Variants in SBF2 observed in about 807,000 individuals in gnomAD.
SBF2 encodes the protein myotubularin-related protein 13.
Under a neutral mutation model 225.2 loss-of-function variants are expected in SBF2, and 112 were observed. The observed-to-expected ratio is 0.50, with a 90% confidence interval of 0.43 to 0.58. SBF2 has a LOEUF of 0.58. SBF2 is among the 20% of genes least tolerant of loss of function. The pLI, the probability that SBF2 is intolerant of heterozygous loss-of-function variation, is 0.00. For synonymous variants in SBF2, 763 were observed against 773.3 expected (o/e 0.99, Z 0.22); for missense variants, 1,996 against 2,206.2 (o/e 0.90, Z 1.91).
intron 3 of SBF2, among the ~76,000 whole-genome samples, chr11:10,035,291 G>C (rs1949393242): frequency 2.0e-5 from 3 of 152,016 alleles, no homozygotes; most frequent in Admixed American, 2.0e-4. Flanking sequence ...TTAAACGTAA[G>C]ACCTAAAACC....
intron 2 of SBF2, among the ~76,000 whole-genome samples, chr11:10,067,066 C>A (rs992537382): frequency 5.3e-5 from 8 of 151,974 alleles, no homozygotes; most frequent in Admixed American, 2.0e-4. Context: ...CTGCTTGAGG[C>A]CAGGAGATTG....
At chr11:9,944,373 A>G (rs1158253964) in intron 16 of SBF2, among the ~76,000 whole-genome samples, 1 of 152,232 alleles carries the variant, frequency 6.6e-6, no homozygotes, top group African/African-American at 2.4e-5. Flanking sequence ...TAAACATAAC[A>G]TATATTAATA....
chr11:9,860,159 T>C (rs1237061987), intron 17 of SBF2, among the ~76,000 whole-genome samples: 1 of 152,192 alleles, frequency 6.6e-6, no homozygotes, highest in Non-Finnish European at 1.5e-5. Context: ...ATGAAGACAC[T>C]TGGGACATGG....
intron 3 of SBF2, 67 bp from the exon 4 acceptor site, chr11:10,031,237 G>GAATATGTTA (rs1949244829): frequency 2.1e-6 from 3 of 1,440,364 alleles, no homozygotes; most frequent in Admixed American, 3.4e-5. Context: ...CACAAAAGAT[G>GAATATGTTA]AATATCACCT....
chr11:10,116,950 T>G (rs897499531), intron 2 of SBF2, among the ~76,000 whole-genome samples: 2 of 152,216 alleles, frequency 1.3e-5, no homozygotes, highest in African/African-American at 4.8e-5. Flanking sequence ...ATGGAAAACA[T>G]TATTGATCAT....
chr11:10,269,555 T>C (rs1332812663), intron 1 of SBF2, among the ~76,000 whole-genome samples: 1 of 152,240 alleles, frequency 6.6e-6, no homozygotes, highest in Admixed American at 6.5e-5. Context: ...TGTGGCACTA[T>C]TATTGTGTAC....
At chr11:9,788,343 C>G (rs1005895920) in intron 35 of SBF2, among the ~76,000 whole-genome samples, 5 of 152,160 alleles carry the variant, frequency 3.3e-5, no homozygotes, top group Non-Finnish European at 7.3e-5. Flanking sequence ...GGGCTCAAAG[C>G]TATTCCTCAG....
At chr11:10,176,973 C>T (rs1591142762) in intron 2 of SBF2, among the ~76,000 whole-genome samples, 2 of 152,134 alleles carry the variant, frequency 1.3e-5, no homozygotes, top group East Asian at 3.9e-4. Context: ...TCCAGCAGCA[C>T]ATCAAAAAGC....
intron 2 of SBF2, among the ~76,000 whole-genome samples, chr11:10,151,449 C>T (rs1955186102): frequency 6.6e-6 from 1 of 152,196 alleles, no homozygotes; most frequent in African/African-American, 2.4e-5. Flanking sequence ...AATGTTACTA[C>T]TGCATAGAGC....
Position 9,962,094 on chromosome 11 carries a change from C to T in SBF2, c.1723G>A (p.Ala575Thr). The change falls in exon 16 of 40, where the codon GCA (alanine) becomes ACA (threonine). Residue 575 changes from alanine to threonine, a missense_variant. By Grantham distance (58) the Ala-to-Thr change is moderately conservative (BLOSUM62 0). Transcript: ENST00000256190. ...GCCTTTCCTTTAAGGGCTCTGAGTGCAGCAGGAAGGGTCTGAGGACAAGAG... is the reference window on the plus strand; with the variant it reads ...GCCTTTCCTTTAAGGGCTCTGAGTGTAGCAGGAAGGGTCTGAGGACAAGAG... ...ILETEKTLPA[A>T]LRALKGKAAR... 1 of 1,614,030 alleles carries T rather than the reference C, an allele frequency of 6.2e-7. No homozygotes were observed. The highest frequency in any genetic ancestry group is 8.5e-7 in the Non-Finnish European group (1 of 1,179,972).
chr11:10,120,971 G>T (rs1335022125), intron 2 of SBF2, among the ~76,000 whole-genome samples: 1 of 151,974 alleles, frequency 6.6e-6, no homozygotes, highest in African/African-American at 2.4e-5. Context: ...CCACCACGTT[G>T]GCAAGGCTGG....
intron 2 of SBF2, among the ~76,000 whole-genome samples, 165 bp downstream of exon 2, chr11:10,193,737 C>T (rs1187820221): frequency 6.6e-6 from 1 of 152,018 alleles, no homozygotes; most frequent in African/African-American, 2.4e-5. Context: ...TCAAAGATGA[C>T]CGTACTTGAG....
chr11:9,903,354 G>T lies in SBF2; in HGVS notation c.1861-7343C>A, dbSNP rs114154935. Among the ~76,000 whole-genome samples, 397 of 151,946 alleles carry T rather than the reference G, an allele frequency of 2.6e-3. 1 individual carries two copies. Among genetic ancestry groups the T allele is most frequent in the African/African-American group, 9.2e-3 (381 of 41,494 alleles). ...AAGAAAAAGAAAAGGGAAACAATCA[G>T]AAAAAGAAAAAAAATAAGATGGTAG... is the stretch of plus-strand genomic sequence containing the variant. On this transcript the variant is annotated intron_variant, in intron 16 of 39. Transcript: ENST00000256190.
chr11:10,034,167 C>A (rs181079906), intron 3 of SBF2, among the ~76,000 whole-genome samples: 1 of 152,174 alleles, frequency 6.6e-6, no homozygotes, highest in Non-Finnish European at 1.5e-5. Context: ...CTCACATTGA[C>A]TTACAAGGTC....
At chr11:9,815,281 TAAAAAAAAAAA>T (rs35464212) in intron 29 of SBF2, among the ~76,000 whole-genome samples, 1 of 42,802 alleles carries the variant, frequency 2.3e-5, no homozygotes, top group Non-Finnish European at 3.8e-5. Flanking sequence ...CTACTAAAAC[TAAAAAAAAAAA>T]AAAAAAAAAA....
intron 6 of SBF2, among the ~76,000 whole-genome samples, chr11:10,019,578 T>C (rs977816582): frequency 1.3e-5 from 2 of 152,112 alleles, no homozygotes; most frequent in Admixed American, 6.5e-5. Context: ...CCTGATAAGT[T>C]TGTTGTTGGG....
chr11:10,289,583 G>A (rs1172748836), intron 1 of SBF2, among the ~76,000 whole-genome samples: 1 of 152,096 alleles, frequency 6.6e-6, no homozygotes, highest in East Asian at 1.9e-4. Context: ...CAGACTGTGG[G>A]CCCTGGGCCC....
intron 16 of SBF2, among the ~76,000 whole-genome samples, chr11:9,941,991 C>G (rs1865278463): frequency 6.6e-6 from 1 of 152,120 alleles, no homozygotes; most frequent in Admixed American, 6.5e-5. Context: ...TTTTAAAAGA[C>G]AGCATTTACA....
chr11:10,253,697 A>G (rs569386929), intron 1 of SBF2, among the ~76,000 whole-genome samples: 1 of 152,172 alleles, frequency 6.6e-6, no homozygotes, highest in Non-Finnish European at 1.5e-5. Context: ...ATATTACTAT[A>G]ATGAATCACA....
Sources: gnomAD v4.1 joint callset for allele counts (sites outside exome capture counted in the v4.1 genomes callset) on GRCh38, gnomAD v4.1.1 for gene constraint, MANE v1.5 for transcripts, NCBI Gene and HGNC (gene_info 2026-07-23, HGNC 2026-07-21) for gene names.